Variants in RSRC1 observed in about 807,000 individuals in gnomAD.
The protein encoded by RSRC1 is serine/Arginine-related protein 53.
RSRC1 carries 39 observed loss-of-function variants against 49.1 expected under a neutral mutation model. The observed-to-expected ratio is 0.79, with a 90% CI of 0.61 to 1.04. The LOEUF (loss-of-function observed/expected upper bound fraction) is 1.04, where lower values mean the gene tolerates loss of function less well. Ranked by LOEUF, RSRC1 falls within the 50% of genes least tolerant of loss-of-function variation. The pLI, the probability that RSRC1 is intolerant of heterozygous loss-of-function variation, is 0.00. For synonymous variants in RSRC1, 143 were observed against 130.8 expected, an observed-to-expected ratio of 1.09 and a Z score of -0.63; for missense variants, 388 against 402.4, an observed-to-expected ratio of 0.96 and a Z score of 0.31.
At chr3:158,439,416 A>C (rs1341517593) in intron 6 of RSRC1, among the ~76,000 whole-genome samples, 1 of 152,174 alleles carries the variant, frequency 6.6e-6, no homozygotes, top group African/African-American at 2.4e-5. Context: ...AACCAACCCA[A>C]ATGTCCATCA....
At chr3:158,345,644 C>G (rs1183830541) in intron 5 of RSRC1, among the ~76,000 whole-genome samples, 2 of 151,902 alleles carry the variant, frequency 1.3e-5, no homozygotes, top group Non-Finnish European at 1.5e-5. Flanking sequence ...AGGTGTTACT[C>G]TATCTGATTT....
In RSRC1 at chr3:158,246,303, C is replaced by T. The variant is rs189982718; in HGVS notation, c.494+43058C>T. ...AGGAGATATACCTAATGTTAAATGA[C>T]GAGTTAATGGGTGCAGCCCACCAAC... On this transcript the variant is annotated intron_variant, in intron 4 of 9. Transcript: ENST00000611884. Among the ~76,000 whole-genome samples the T allele has an allele frequency of 4.8e-3, 728 of 151,424 alleles. 6 individuals are homozygous for T. The highest frequency in any genetic ancestry group is 7.0e-3 in the Non-Finnish European group (473 of 67,946).
At position 158,386,376 on chromosome 3, in the gene RSRC1, G is replaced by A. The variant is rs1303625941; in HGVS notation, c.583+31468G>A. ...TAAAATATTTATTTTAAAATTGTATGTAATCTTGTTTAATACATTTTAGTT... is the reference window on the plus strand; with the variant it reads ...TAAAATATTTATTTTAAAATTGTATATAATCTTGTTTAATACATTTTAGTT... On this transcript the variant is annotated intron_variant, in intron 6 of 9. Coordinates refer to ENST00000611884, the MANE Select transcript of RSRC1 (RefSeq NM_001271838.2). 2.0e-5 allele frequency among the ~76,000 whole-genome samples: 3 copies of A among 151,992 alleles called. No individual in the cohort carries two copies. The East Asian group carries it at 5.8e-4, about 29-fold the overall frequency.
intron 3 of RSRC1, among the ~76,000 whole-genome samples, chr3:158,166,105 C>CGAT (rs982654347): frequency 3.9e-5 from 6 of 152,074 alleles, no homozygotes; most frequent in African/African-American, 1.4e-4. Flanking sequence ...TGCACCTATC[C>CGAT]CCACAAGGAC....
At chr3:158,247,494 C>T (rs1016204944) in intron 4 of RSRC1, among the ~76,000 whole-genome samples, 2 of 152,162 alleles carry the variant, frequency 1.3e-5, no homozygotes, top group Non-Finnish European at 2.9e-5. Flanking sequence ...GGGTTTTGCA[C>T]TGATTTGCAG....
At chr3:158,277,242 T>C (rs1232990611) in intron 4 of RSRC1, among the ~76,000 whole-genome samples, 1 of 152,210 alleles carries the variant, frequency 6.6e-6, no homozygotes, top group African/African-American at 2.4e-5. Context: ...AAATTAATGT[T>C]CATTGTTATC....
intron 7 of RSRC1, chr3:158,469,613 A>G (rs1738038299): frequency 1.3e-5 from 2 of 154,230 alleles, no homozygotes; most frequent in African/African-American, 4.8e-5. Flanking sequence ...ATAAGCTGGC[A>G]ACACTGTCTA....
At chr3:158,129,548 C>T (rs912654753) in intron 3 of RSRC1, among the ~76,000 whole-genome samples, 8 of 152,036 alleles carry the variant, frequency 5.3e-5, no homozygotes, top group African/African-American at 1.2e-4. Context: ...GCCTTGGCCT[C>T]CCAGAGTGCT....
At chr3:158,231,137 CTTTTTTT>C (rs35368661) in intron 4 of RSRC1, among the ~76,000 whole-genome samples, 85 of 67,966 alleles carry the variant, frequency 1.3e-3, no homozygotes, top group African/African-American at 5.0e-3. Flanking sequence ...TAGTCGTTAG[CTTTTTTT>C]TTTTTTTTTT....
intron 6 of RSRC1, among the ~76,000 whole-genome samples, chr3:158,355,641 C>A (rs947289699): frequency 6.6e-6 from 1 of 151,884 alleles, no homozygotes; most frequent in Non-Finnish European, 1.5e-5. Flanking sequence ...TGCATATAGA[C>A]ATTAAATACT....
At position 158,122,083 on chromosome 3, in the gene RSRC1, C is replaced by T. The variant is rs1443708185; in HGVS notation, c.-2-20C>T. ...GTGCCACCATGTTAGAAATAATATTCTTCAAATTTATGCTTATAGAAATGG... is the reference window on the plus strand; with the variant it reads ...GTGCCACCATGTTAGAAATAATATTTTTCAAATTTATGCTTATAGAAATGG... On this transcript the variant is annotated intron_variant, in intron 1 of 9. Transcript: ENST00000611884. The T allele has an allele frequency of 2.1e-6, 3 of 1,419,344 alleles. No homozygotes were observed. Among genetic ancestry groups the T allele is most frequent in the South Asian group, 3.2e-5 (2 of 62,354 alleles). The allele number at this position is 1,419,344 out of a possible 1,614,324, so 87.9% of individuals were successfully genotyped here.
chr3:158,519,445 G>A (rs563923807), intron 7 of RSRC1, among the ~76,000 whole-genome samples: 2 of 151,860 alleles, frequency 1.3e-5, no homozygotes, highest in East Asian at 3.9e-4. Context: ...CTAAGGAGCT[G>A]ACATTTAAGC....
At chr3:158,369,440 G>A (rs979899085) in intron 6 of RSRC1, among the ~76,000 whole-genome samples, 1 of 151,976 alleles carries the variant, frequency 6.6e-6, no homozygotes, top group African/African-American at 2.4e-5. Context: ...ATTTTGTGAT[G>A]TAAAAATGGT....
intron 5 of RSRC1, among the ~76,000 whole-genome samples, chr3:158,316,939 C>T (rs34436376): frequency 0.074 from 11,286 of 152,110 alleles, 574 homozygotes; most frequent in Non-Finnish European, 0.094. Context: ...TTATTTAGTG[C>T]AAATACCTTA....
chr3:158,285,209 T>C (rs1414963885), intron 4 of RSRC1, among the ~76,000 whole-genome samples: 2 of 152,206 alleles, frequency 1.3e-5, no homozygotes, highest in Non-Finnish European at 2.9e-5. Flanking sequence ...GTTGTAGTTA[T>C]TCGGCGTTAT....
intron 1 of RSRC1, among the ~76,000 whole-genome samples, chr3:158,111,699 T>C (rs1419355176): frequency 6.6e-6 from 1 of 152,228 alleles, no homozygotes; most frequent in Admixed American, 6.5e-5. Flanking sequence ...ATAACCATTG[T>C]TTTCACTTTT....
chr3:158,222,056 T>TA (rs1304279553), intron 4 of RSRC1, among the ~76,000 whole-genome samples: 1 of 151,504 alleles, frequency 6.6e-6, no homozygotes, highest in Non-Finnish European at 1.5e-5. Context: ...AGGGGATTGA[T>TA]AAGTTTTGGT....
intron 3 of RSRC1, among the ~76,000 whole-genome samples, chr3:158,161,789 A>C (rs1191231424): frequency 6.6e-6 from 1 of 152,118 alleles, no homozygotes; most frequent in East Asian, 1.9e-4. Flanking sequence ...TACATAAAAT[A>C]AAATGTGTGG....
intron 1 of RSRC1, among the ~76,000 whole-genome samples, chr3:158,112,641 T>A (rs1164780901): frequency 6.6e-6 from 1 of 152,242 alleles, no homozygotes; most frequent in Non-Finnish European, 1.5e-5. Context: ...TTCAAACTTT[T>A]CTTGGTTTCT....
Sources: gnomAD v4.1 joint callset for allele counts (sites outside exome capture counted in the v4.1 genomes callset) on GRCh38, gnomAD v4.1.1 for gene constraint, MANE v1.5 for transcripts, NCBI Gene and HGNC (gene_info 2026-07-23, HGNC 2026-07-21) for gene names.